ZNF469: variants seen among roughly 807,000 people sequenced by gnomAD.
ZNF469 encodes zinc finger protein 469.
ZNF469 carries 1 observed loss-of-function variant against 1.0 expected under a neutral mutation model. The observed-to-expected ratio is 1.00, with a 90% CI of 0.35 to 4.73. The LOEUF (loss-of-function observed/expected upper bound fraction) is 4.73, where lower values mean the gene tolerates loss of function less well. ZNF469 is among the 30% of genes most tolerant of loss of function. The pLI is 0.16. For missense variants in ZNF469, 6,100 were observed against 5,356.3 expected (o/e 1.14, Z -4.33); for synonymous variants, 2,703 against 2,363.4 (o/e 1.14, Z -4.17).
chr16:88,438,696 C>T lies in ZNF469; in HGVS notation c.11226C>T (p.Thr3742=), dbSNP rs1209529278. The T allele has an allele frequency of 6.5e-7, 1 of 1,550,038 alleles. No homozygotes were observed. Among genetic ancestry groups the T allele is most frequent in the Admixed American group, 2.0e-5 (1 of 50,998 alleles). Reference sequence around the variant, plus strand: ...GCAGTGGAAGCCCTCGCCCCGGCACCAAGACAGGAGGTGGCAGCCAGCCCC... The same window carrying T: ...GCAGTGGAAGCCCTCGCCCCGGCACTAAGACAGGAGGTGGCAGCCAGCCCC... ...SQGSGSPRPG[T]KTGGGSQPQP... Residue 3742 remains threonine, a synonymous_variant, in exon 3 of 3, where the codon ACC becomes ACT. Coordinates refer to ENST00000565624, the MANE Select transcript of ZNF469 (RefSeq NM_001367624.2).
chr16:88,312,373 C>A, the ZNF469 span, among the ~76,000 whole-genome samples: 1 of 152,180 alleles, frequency 6.6e-6, no homozygotes, highest in South Asian at 2.1e-4. Context: ...CTTCTCAGGC[C>A]ATTTGCCCAT....
chr16:88,275,058 C>T, the ZNF469 span, among the ~76,000 whole-genome samples: 1 of 152,162 alleles, frequency 6.6e-6, no homozygotes, highest in African/African-American at 2.4e-5. Context: ...CCTGGGTGTC[C>T]CCACCCCCAT....
the ZNF469 span, among the ~76,000 whole-genome samples, chr16:88,281,948 A>G: frequency 6.6e-6 from 1 of 152,202 alleles, no homozygotes; most frequent in Non-Finnish European, 1.5e-5. Context: ...CATGGATTGT[A>G]CTGCGAGATG....
chr16:88,217,092 T>C, the ZNF469 span, among the ~76,000 whole-genome samples: 1 of 152,258 alleles, frequency 6.6e-6, no homozygotes, highest in Admixed American at 6.5e-5. Context: ...TTGTGTATTT[T>C]CTCTTGGTTT....
At chr16:88,151,208 G>A in the ZNF469 span, among the ~76,000 whole-genome samples, 34,397 of 152,096 alleles carry the variant, frequency 0.23, 4,550 homozygotes, top group East Asian at 0.52. The surrounding 1 kb of genome is among the most constrained non-coding windows in gnomAD (Gnocchi z 5.4). Context: ...CCTGGGGACT[G>A]GTGCCGACTG....
chr16:88,434,360 C>G lies in ZNF469; in HGVS notation c.6890C>G (p.Ala2297Gly). 1 of 1,550,162 alleles carries G rather than the reference C, an allele frequency of 6.5e-7. No homozygotes were observed. ...TCCAGCACTCCCACCGGAGATGAGG[C>G]ACAGGCAGGCAGGGGACTCCCAGGG... ...GLSSTPTGDE[A>G]QAGRGLPGPD... The change falls in exon 3 of 3, where the codon GCA (alanine) becomes GGA (glycine). Residue 2297 changes from alanine to glycine, a missense_variant. Transcript: ENST00000565624.
chr16:88,165,914 C>T, the ZNF469 span, among the ~76,000 whole-genome samples: 2 of 152,204 alleles, frequency 1.3e-5, no homozygotes, highest in East Asian at 1.9e-4. Context: ...CACAAAGCCC[C>T]CGAGACTCAT....
the ZNF469 span, among the ~76,000 whole-genome samples, chr16:88,224,846 C>T: frequency 2.6e-5 from 4 of 152,208 alleles, no homozygotes; most frequent in Non-Finnish European, 4.4e-5. Flanking sequence ...ATCTGTGAAG[C>T]GCCCAGTGGG....
chr16:88,429,785 G>C lies in ZNF469; in HGVS notation c.2315G>C (p.Gly772Ala). The change falls in exon 3 of 3, where the codon GGG becomes GCG. Residue 772 changes from glycine to alanine, a missense_variant. Transcript: ENST00000565624. ...CACCAGCGGTCTCCAGGCCCCCCTG[G>C]GCTCCCCTCGCCCCCCGCTGCCCCC... The part of the protein sequence containing the change: ...DGHQRSPGPP[G>A]LPSPPAAPRV... The C allele has an allele frequency of 6.5e-7, 1 of 1,544,606 alleles. No homozygotes were observed.
chr16:88,205,052 T>C, the ZNF469 span, among the ~76,000 whole-genome samples: 19 of 152,284 alleles, frequency 1.2e-4, no homozygotes, highest in Admixed American at 7.8e-4. This position sits in a 1 kb window ranked among gnomAD's most constrained non-coding sequence, Gnocchi z 4.2. Flanking sequence ...TCCATCGCCA[T>C]TGTGTTCCAG....
chr16:88,162,286 A>G, the ZNF469 span, among the ~76,000 whole-genome samples: 1 of 151,920 alleles, frequency 6.6e-6, no homozygotes, highest in Admixed American at 6.6e-5. Context: ...TAATTTATCC[A>G]TCACAAAATT....
chr16:88,340,484 G>A, the ZNF469 span, among the ~76,000 whole-genome samples: 25 of 152,210 alleles, frequency 1.6e-4, no homozygotes, highest in Non-Finnish European at 3.7e-4. Flanking sequence ...AGGTGACATA[G>A]GCCAGACATC....
the ZNF469 span, among the ~76,000 whole-genome samples, chr16:88,115,830 C>G: frequency 6.6e-6 from 1 of 152,232 alleles, no homozygotes; most frequent in Non-Finnish European, 1.5e-5. Flanking sequence ...TCCAGCCTCT[C>G]CCAGCTCCTG....
At chr16:88,132,760 A>G in the ZNF469 span, among the ~76,000 whole-genome samples, 3 of 152,326 alleles carry the variant, frequency 2.0e-5, no homozygotes, top group African/African-American at 7.2e-5. Context: ...GTCCTGGGGC[A>G]GTGGCCCTCT....
the ZNF469 span, among the ~76,000 whole-genome samples, chr16:88,274,262 G>A: frequency 6.6e-6 from 1 of 152,170 alleles, no homozygotes; most frequent in African/African-American, 2.4e-5. Flanking sequence ...TCACAGGGCT[G>A]GGAAGTTAGT....
chr16:88,391,250 G>A (rs183739749), intron 1 of ZNF469, among the ~76,000 whole-genome samples: 2 of 152,378 alleles, frequency 1.3e-5, no homozygotes, highest in African/African-American at 4.8e-5. Flanking sequence ...GGGTCTGGGT[G>A]CCAGCACCCC....
chr16:88,209,697 A>G, the ZNF469 span, among the ~76,000 whole-genome samples: 3 of 152,194 alleles, frequency 2.0e-5, no homozygotes, highest in Non-Finnish European at 2.9e-5. Context: ...ACTTAATAAC[A>G]TATCGTGGAA....
At chr16:88,298,496 G>A in the ZNF469 span, among the ~76,000 whole-genome samples, 2 of 152,226 alleles carry the variant, frequency 1.3e-5, no homozygotes, top group East Asian at 1.9e-4. Context: ...TGAGACCCTG[G>A]AAGGCGAAAC....
At chr16:88,194,060 G>A in the ZNF469 span, among the ~76,000 whole-genome samples, 1 of 152,222 alleles carries the variant, frequency 6.6e-6, no homozygotes, top group East Asian at 1.9e-4. Flanking sequence ...CCTGCAGAGT[G>A]TGGCTTGGTG....
Sources: allele counts gnomAD v4.1 joint callset (sites outside exome capture counted in the v4.1 genomes callset), GRCh38; gene constraint gnomAD v4.1.1; non-coding constraint Gnocchi (gnomAD v3.1); transcripts MANE v1.5; gene names NCBI Gene and HGNC (gene_info 2026-07-23, HGNC 2026-07-21).